DLGAP2: variants seen among roughly 807,000 people sequenced by gnomAD.
The protein encoded by DLGAP2 is DLG associated protein 2.
In DLGAP2, 26 loss-of-function variants were observed where a neutral mutation model predicts 100.3. The ratio of observed to expected loss-of-function variants is 0.26; its 90% CI spans 0.19 to 0.36. DLGAP2 has a LOEUF of 0.36. Ranked by LOEUF, DLGAP2 falls within the 10% of genes least tolerant of loss-of-function variation. The pLI is 1.00. For synonymous variants in DLGAP2, 886 were observed against 630.1 expected (o/e 1.41, Z -6.08); for missense variants, 1,858 against 1,453.2 (o/e 1.28, Z -4.53).
chr8:816,526 G>A (rs867762550), intron 1 of DLGAP2, among the ~76,000 whole-genome samples: 2 of 152,104 alleles, frequency 1.3e-5, no homozygotes, highest in South Asian at 4.1e-4. Context: ...TAATTGTTTT[G>A]TTTAAGGAGG....
At chr8:997,731 A>T (rs916210051) in intron 2 of DLGAP2, among the ~76,000 whole-genome samples, 1 of 152,230 alleles carries the variant, frequency 6.6e-6, no homozygotes, top group African/African-American at 2.4e-5. Flanking sequence ...AAACAATATA[A>T]TTTTTGAAAA....
chr8:980,857 G>T (rs565302595), intron 2 of DLGAP2, among the ~76,000 whole-genome samples: 2 of 152,160 alleles, frequency 1.3e-5, no homozygotes, highest in Non-Finnish European at 2.9e-5. Context: ...AGCAGTTAGG[G>T]AACACACAGG....
At chr8:1,407,431 A>C (rs368959783) in intron 3 of DLGAP2, among the ~76,000 whole-genome samples, 1 of 92,208 alleles carries the variant, frequency 1.1e-5, no homozygotes, top group Non-Finnish European at 2.3e-5. Flanking sequence ...TGTCCTCCAG[A>C]GTCGTGTATT....
chr8:1,407,656 T>A (rs1362264569), intron 3 of DLGAP2, among the ~76,000 whole-genome samples: 21 of 87,094 alleles, frequency 2.4e-4, no homozygotes, highest in Non-Finnish European at 3.2e-4. Flanking sequence ...CTCCTCATCC[T>A]CCAGAGTCGT....
At chr8:886,514 A>T (rs932307746) in intron 1 of DLGAP2, among the ~76,000 whole-genome samples, 1 of 152,216 alleles carries the variant, frequency 6.6e-6, no homozygotes, top group Non-Finnish European at 1.5e-5. Context: ...ATTTAGTGCT[A>T]TAAATGTCCC....
intron 2 of DLGAP2, among the ~76,000 whole-genome samples, chr8:1,218,633 A>G (rs1032588157): frequency 7.9e-5 from 12 of 152,108 alleles, no homozygotes; most frequent in African/African-American, 2.2e-4. Flanking sequence ...TTTTGTTTTA[A>G]TATATATTTT....
At chr8:986,018 T>C (rs565075995) in intron 2 of DLGAP2, among the ~76,000 whole-genome samples, 1 of 152,296 alleles carries the variant, frequency 6.6e-6, no homozygotes, top group African/African-American at 2.4e-5. Context: ...TGGAAACTCT[T>C]GATATCCCCA....
chr8:1,239,420 A>G (rs75447997), intron 2 of DLGAP2, among the ~76,000 whole-genome samples: 3,122 of 5,740 alleles, frequency 0.54, 1,356 homozygotes, highest in Non-Finnish European at 0.65. Flanking sequence ...ACATGGCGCC[A>G]TGTCTAGTTC....
chr8:1,602,969 C>T (rs1305171627), intron 6 of DLGAP2, among the ~76,000 whole-genome samples: 1 of 152,234 alleles, frequency 6.6e-6, no homozygotes, highest in African/African-American at 2.4e-5. Flanking sequence ...GGCTGGCTCT[C>T]AGTTCTGCAG....
At chr8:1,200,255 C>T (rs1797841707) in intron 2 of DLGAP2, among the ~76,000 whole-genome samples, 1 of 152,174 alleles carries the variant, frequency 6.6e-6, no homozygotes, top group Non-Finnish European at 1.5e-5. Flanking sequence ...TGCCTCTTTC[C>T]CCATCGAGGC....
chr8:1,101,212 A>G (rs1011021302), intron 2 of DLGAP2, among the ~76,000 whole-genome samples: 3 of 152,176 alleles, frequency 2.0e-5, no homozygotes, highest in Admixed American at 1.3e-4. Flanking sequence ...ATCTGGAAGA[A>G]CTGCCGAATG....
intron 5 of DLGAP2, among the ~76,000 whole-genome samples, chr8:1,551,518 T>C (rs979279530): frequency 1.3e-5 from 2 of 152,154 alleles, no homozygotes; most frequent in African/African-American, 4.8e-5. Context: ...TCCAAGGAGC[T>C]TCTTCCACCC....
intron 2 of DLGAP2, among the ~76,000 whole-genome samples, chr8:1,021,425 C>T (rs533553773): frequency 2.0e-5 from 3 of 152,236 alleles, no homozygotes; most frequent in Admixed American, 6.5e-5. Context: ...TTGTTTGACT[C>T]GAGCAAAGGC....
chr8:812,765 G>T (rs1796395639), intron 1 of DLGAP2, among the ~76,000 whole-genome samples: 1 of 152,190 alleles, frequency 6.6e-6, no homozygotes, highest in South Asian at 2.1e-4. Context: ...GGAGCTAAGT[G>T]TTTAAATGGG....
chr8:1,222,074 T>A (rs946180153), intron 2 of DLGAP2, among the ~76,000 whole-genome samples: 2 of 152,220 alleles, frequency 1.3e-5, no homozygotes, highest in African/African-American at 4.8e-5. Flanking sequence ...GAATTCCATG[T>A]CTGTTGTTTC....
chr8:1,224,987 G>C (rs775574143), intron 2 of DLGAP2, among the ~76,000 whole-genome samples: 2 of 152,202 alleles, frequency 1.3e-5, no homozygotes, highest in Non-Finnish European at 2.9e-5. Context: ...CTCATATGTT[G>C]CTGTTGGAAA....
intron 3 of DLGAP2, among the ~76,000 whole-genome samples, chr8:1,316,549 C>T (rs1218389023): frequency 4.6e-5 from 4 of 86,156 alleles, no homozygotes; most frequent in Non-Finnish European, 9.7e-5. Context: ...AAAATAGAGG[C>T]TGTGCGAGTG....
intron 2 of DLGAP2, among the ~76,000 whole-genome samples, chr8:1,145,099 A>T (rs889091332): frequency 6.6e-6 from 1 of 152,238 alleles, no homozygotes; most frequent in Non-Finnish European, 1.5e-5. Flanking sequence ...CCAGGATGAA[A>T]AGAGCATTTA....
intron 3 of DLGAP2, among the ~76,000 whole-genome samples, chr8:1,305,585 C>T (rs1273309766): frequency 6.6e-6 from 1 of 152,186 alleles, no homozygotes; most frequent in African/African-American, 2.4e-5. Flanking sequence ...ACCAGAGAAA[C>T]TAAGGACATT....
Sources: gnomAD v4.1 joint callset for allele counts (sites outside exome capture counted in the v4.1 genomes callset) on GRCh38, gnomAD v4.1.1 for gene constraint, MANE v1.5 for transcripts, NCBI Gene and HGNC (gene_info 2026-07-23, HGNC 2026-07-21) for gene names.